Variants in DDX50 observed in about 807,000 individuals in gnomAD.
DDX50 encodes ATP-dependent RNA helicase DDX50.
Under a neutral mutation model 94.8 loss-of-function variants are expected in DDX50, and 56 were observed. The ratio of observed to expected loss-of-function variants is 0.59; its 90% CI spans 0.48 to 0.74. DDX50 has a LOEUF of 0.74. Among genes scored for constraint, DDX50 ranks in the 30% least tolerant of loss-of-function variants. The pLI, the probability that DDX50 is intolerant of heterozygous loss-of-function variation, is 0.00. For missense variants in DDX50, 713 were observed against 881.2 expected (o/e 0.81, Z 2.42); for synonymous variants, 264 against 295.4 (o/e 0.89, Z 1.09).
Position 68,903,629 on chromosome 10 carries a change from C to T in DDX50, c.87+2158C>T, listed in dbSNP as rs1170525913. Among the ~76,000 whole-genome samples, 8 of 152,064 alleles carry T rather than the reference C, an allele frequency of 5.3e-5. No homozygotes were observed. The East Asian group carries it at 9.7e-4, about 18-fold the overall frequency. ...CAGCCTGGCCAACATGGTGAAACTC[C>T]GTCTTTACTAAAAATACAAAAATTA... On this transcript the variant is annotated intron_variant, in intron 1 of 14. Transcript: ENST00000373585.
At chr10:68,932,857 CAT>C (rs1358093135) in intron 8 of DDX50, among the ~76,000 whole-genome samples, 1 of 152,064 alleles carries the variant, frequency 6.6e-6, no homozygotes, top group African/African-American at 2.4e-5. Context: ...AATAAATACT[CAT>C]AGAGTATTGA....
At chr10:68,935,398 TGATA>T (rs1842379304) in intron 10 of DDX50, among the ~76,000 whole-genome samples, 1 of 152,190 alleles carries the variant, frequency 6.6e-6, no homozygotes, top group South Asian at 2.1e-4. Context: ...GGAAAAAAGC[TGATA>T]GATTTAAACA....
chr10:68,923,650 T>C (rs993058193), intron 8 of DDX50, among the ~76,000 whole-genome samples: 4 of 151,980 alleles, frequency 2.6e-5, no homozygotes, highest in Admixed American at 2.6e-4. Context: ...TTCAAGCGAT[T>C]CTTATGGGTC....
Position 68,934,021 on chromosome 10 carries a change from A to G in DDX50, c.1240-178A>G, listed in dbSNP as rs1245187497. 6.6e-6 allele frequency among the ~76,000 whole-genome samples: 1 copy of G among 151,202 alleles called. No individual in the cohort carries two copies. Among genetic ancestry groups the G allele is most frequent in the Non-Finnish European group, 1.5e-5 (1 of 67,822 alleles). On this transcript the variant is annotated intron_variant, in intron 8 of 14. Coordinates refer to ENST00000373585, the MANE Select transcript of DDX50 (RefSeq NM_024045.2). The surrounding 1 kb of genome is among the most constrained non-coding windows in gnomAD (Gnocchi z 4.0). ...TCACTAGTATTAGGGAAGCTTTTAC[A>G]TTTTATGTTAAATATTTTCTGTCAT...
chr10:68,909,219 A>AT (rs1250123745), intron 2 of DDX50, among the ~76,000 whole-genome samples: 1 of 152,184 alleles, frequency 6.6e-6, no homozygotes, highest in Non-Finnish European at 1.5e-5. Context: ...ATTTGAAATT[A>AT]TTTTTTATCT....
At chr10:68,901,521 G>T in intron 1 of DDX50, 50 bp downstream of exon 1, 3 of 1,531,668 alleles carry the variant, frequency 2.0e-6, no homozygotes, top group Non-Finnish European at 1.8e-6. Context: ...CGGCTTGGGC[G>T]GGGAGGGGAA....
At chr10:68,908,991 T>G (rs941603313) in intron 2 of DDX50, among the ~76,000 whole-genome samples, 1 of 152,114 alleles carries the variant, frequency 6.6e-6, no homozygotes. Flanking sequence ...TATTTTTGTT[T>G]GTTTGTTTGT....
intron 14 of DDX50, 77 bp from the exon 15 acceptor site, chr10:68,946,275 G>T (rs1305679519): frequency 2.0e-6 from 3 of 1,479,764 alleles, no homozygotes; most frequent in South Asian, 2.8e-5. Flanking sequence ...TATGAAAAAG[G>T]TGTCTTCTTG....
chr10:68,924,818 A>G (rs1842038335), intron 8 of DDX50, among the ~76,000 whole-genome samples: 1 of 152,072 alleles, frequency 6.6e-6, no homozygotes, highest in African/African-American at 2.4e-5. Context: ...TGTCCTGGAA[A>G]GTGAGCATTG....
chr10:68,929,294 T>TTC (rs372281464), intron 8 of DDX50, among the ~76,000 whole-genome samples: 7,507 of 108,720 alleles, frequency 0.069, 267 homozygotes, highest in African/African-American at 0.071. Flanking sequence ...CCTTCCTTCC[T>TTC]CTCTCTCTCT....
chr10:68,910,803 G>A (rs539444352), intron 3 of DDX50, among the ~76,000 whole-genome samples: 1 of 152,286 alleles, frequency 6.6e-6, no homozygotes, highest in East Asian at 1.9e-4. Context: ...AAAAAGCATA[G>A]AGAAGTAGCT....
chr10:68,922,520 C>T (rs1048738970), intron 8 of DDX50, among the ~76,000 whole-genome samples: 1 of 152,028 alleles, frequency 6.6e-6, no homozygotes, highest in African/African-American at 2.4e-5. Flanking sequence ...TTTTAGCAGG[C>T]ATGGTGGCTC....
chr10:68,937,884 C>T (rs966571994), intron 12 of DDX50, among the ~76,000 whole-genome samples: 1 of 152,138 alleles, frequency 6.6e-6, no homozygotes, highest in Non-Finnish European at 1.5e-5. Context: ...CCTCACCCGG[C>T]CTGTATTTTT....
intron 7 of DDX50, among the ~76,000 whole-genome samples, chr10:68,916,306 A>G (rs1391512640): frequency 1.4e-5 from 2 of 143,202 alleles, no homozygotes; most frequent in Non-Finnish European, 3.0e-5. Flanking sequence ...GTGAGCTGAG[A>G]TTGCGCCACT....
chr10:68,936,743 A>G (rs1842430766), intron 11 of DDX50, among the ~76,000 whole-genome samples, 193 bp from the exon 12 acceptor site: 1 of 151,046 alleles, frequency 6.6e-6, no homozygotes, highest in African/African-American at 2.4e-5. Flanking sequence ...TGGAAGGCTG[A>G]GGTGGGAGGA....
chr10:68,945,699 T>G (rs1019451871), intron 14 of DDX50, among the ~76,000 whole-genome samples: 4 of 152,226 alleles, frequency 2.6e-5, no homozygotes, highest in Non-Finnish European at 5.9e-5. Context: ...GTTACTGATT[T>G]GTATATCTTC....
rs765861463 is a variant in DDX50 at position 68,911,174 on chromosome 10, C to T, written c.567C>T (p.Phe189=). 2 of 1,612,624 alleles carry T rather than the reference C, an allele frequency of 1.2e-6. No homozygotes were observed. The highest frequency in any genetic ancestry group is 1.7e-4 in the Middle Eastern group (1 of 6,058). ...AQARTGTGKT[F]SFAIPLIERL... is the part of the protein sequence containing the mutation. The stretch of plus-strand genomic sequence containing the variant: ...CACGGACAGGAACAGGAAAGACATT[C>T]TCTTTTGCCATCCCCTTAATTGAAA... Residue 189 remains phenylalanine, a synonymous_variant, in exon 4 of 15, where the codon TTC becomes TTT. Coordinates refer to ENST00000373585, the MANE Select transcript of DDX50 (RefSeq NM_024045.2).
chr10:68,926,306 G>T (rs377745823), intron 8 of DDX50, among the ~76,000 whole-genome samples: 1 of 150,896 alleles, frequency 6.6e-6, no homozygotes, highest in Admixed American at 6.6e-5. Flanking sequence ...ATTCAGTAGC[G>T]GTTGTCTTGC....
In DDX50 at chr10:68,936,035, T is replaced by C; in HGVS notation, c.1551T>C (p.Pro517=). The C allele has an allele frequency of 6.2e-7, 1 of 1,610,284 alleles. No homozygotes were observed. Residue 517 remains proline (P), a synonymous_variant, in exon 11 of 15, where the codon CCT becomes CCC. Transcript: ENST00000373585. ...TTACTTTTAAACGTGTAGGTGTTCC[T>C]TCTACAATGGATTTAGTTAAATCTA... ...AGITFKRVGV[P]STMDLVKSKS... is the part of the protein sequence containing the mutation.
Sources: allele counts gnomAD v4.1 joint callset (sites outside exome capture counted in the v4.1 genomes callset), GRCh38; gene constraint gnomAD v4.1.1; non-coding constraint Gnocchi (gnomAD v3.1); transcripts MANE v1.5; gene names NCBI Gene and HGNC (gene_info 2026-07-23, HGNC 2026-07-21).